ALS2: variants seen among roughly 807,000 people sequenced by gnomAD.
ALS2 encodes alsin.
In ALS2, 117 loss-of-function variants were observed where a neutral mutation model predicts 203.4. The ratio of observed to expected loss-of-function variants is 0.58; its 90% CI spans 0.50 to 0.67. The LOEUF is 0.67. Ranked by LOEUF, ALS2 falls within the 30% of genes least tolerant of loss-of-function variation. The pLI, the probability that ALS2 is intolerant of heterozygous loss-of-function variation, is 0.00. For synonymous variants in ALS2, 718 were observed against 725.9 expected (o/e 0.99, Z 0.17); for missense variants, 1,715 against 1,989.4 (o/e 0.86, Z 2.62).
intron 24 of ALS2, chr2:201,716,750 A>C (rs934394954): frequency 6.6e-5 from 10 of 151,352 alleles, no homozygotes; most frequent in Non-Finnish European, 1.5e-4. Context: ...AAAAAAAAAT[A>C]AAAATAAAAA....
intron 27 of ALS2, 106 bp downstream of exon 27, chr2:201,709,775 A>C (rs992258784): frequency 1.0e-5 from 14 of 1,358,468 alleles, no homozygotes; most frequent in Middle Eastern, 1.8e-4. Flanking sequence ...CTATTAAAGG[A>C]CTGTGGCATA....
At chr2:201,739,917 A>C (rs1692158137) in intron 11 of ALS2, among the ~76,000 whole-genome samples, 1 of 152,202 alleles carries the variant, frequency 6.6e-6, no homozygotes, top group Non-Finnish European at 1.5e-5. Context: ...TGGCAAATGG[A>C]ATCAACTGAC....
chr2:201,709,682 AAAAT>A (rs1387595832), intron 27 of ALS2, among the ~76,000 whole-genome samples, 195 bp downstream of exon 27: 8 of 152,228 alleles, frequency 5.3e-5, no homozygotes, highest in Non-Finnish European at 1.0e-4. Flanking sequence ...ATAAGACATA[AAAAT>A]AAATAAATAA....
intron 12 of ALS2, among the ~76,000 whole-genome samples, chr2:201,737,238 T>C (rs564417257): frequency 9.8e-5 from 15 of 152,322 alleles, no homozygotes; most frequent in African/African-American, 3.4e-4. Flanking sequence ...ATTTAACATA[T>C]ATGAAAGGAT....
intron 23 of ALS2, among the ~76,000 whole-genome samples, chr2:201,720,283 T>C (rs1411715793): frequency 6.6e-6 from 1 of 151,972 alleles, no homozygotes; most frequent in African/African-American, 2.4e-5. Flanking sequence ...CCAAGTACAA[T>C]TCATCCCAGG....
At chr2:201,748,631 G>C (rs1462401827) in intron 8 of ALS2, among the ~76,000 whole-genome samples, 1 of 134,838 alleles carries the variant, frequency 7.4e-6, no homozygotes, top group Non-Finnish European at 1.7e-5. Flanking sequence ...AAAAAACAAG[G>C]AACAATGATT....
At chr2:201,707,695 G>A (rs970907016) in intron 28 of ALS2, among the ~76,000 whole-genome samples, 174 bp downstream of exon 28, 4 of 152,070 alleles carry the variant, frequency 2.6e-5, no homozygotes, top group African/African-American at 4.8e-5. Context: ...CTCCCAAAGT[G>A]TGGGATTACA....
intron 4 of ALS2, chr2:201,759,918 C>A (rs1432653220): frequency 9.1e-6 from 9 of 984,962 alleles, no homozygotes; most frequent in Non-Finnish European, 1.1e-5. Context: ...AGAAATAATC[C>A]TTTTAAAACA....
intron 9 of ALS2, among the ~76,000 whole-genome samples, chr2:201,744,839 C>T (rs750983502): frequency 2.6e-5 from 4 of 151,950 alleles, no homozygotes; most frequent in South Asian, 2.1e-4. Flanking sequence ...GACCACTTTC[C>T]GAGTAAAATA....
chr2:201,738,362 T>G (rs1300331806), intron 12 of ALS2, among the ~76,000 whole-genome samples: 1 of 152,096 alleles, frequency 6.6e-6, no homozygotes, highest in Non-Finnish European at 1.5e-5. Context: ...GAGAGAACAT[T>G]CCCATTTTTC....
intron 13 of ALS2, among the ~76,000 whole-genome samples, chr2:201,731,967 C>T (rs1482556242): frequency 6.6e-6 from 1 of 152,104 alleles, no homozygotes; most frequent in East Asian, 1.9e-4. Context: ...CATATGAAAG[C>T]TACATCCAGG....
intron 12 of ALS2, among the ~76,000 whole-genome samples, chr2:201,734,583 AAT>A (rs1691767495): frequency 6.6e-6 from 1 of 152,166 alleles, no homozygotes; most frequent in Admixed American, 6.5e-5. Flanking sequence ...GGACTTATTT[AAT>A]TTTACACAAG....
chr2:201,780,389 A>G (rs1046646295), intron 1 of ALS2, among the ~76,000 whole-genome samples: 2 of 152,226 alleles, frequency 1.3e-5, no homozygotes, highest in African/African-American at 2.4e-5. Context: ...CTTTTCAAGT[A>G]GCCCTTGGTC....
At chr2:201,724,551 T>A in intron 20 of ALS2, 92 bp from the exon 21 acceptor site, 1 of 1,232,778 alleles carries the variant, frequency 8.1e-7, no homozygotes, top group Admixed American at 1.7e-5. Flanking sequence ...CCATACTCAG[T>A]CTCACTGGTA....
At chr2:201,745,408 A>G (rs1692565279) in intron 9 of ALS2, among the ~76,000 whole-genome samples, 1 of 152,162 alleles carries the variant, frequency 6.6e-6, no homozygotes, top group African/African-American at 2.4e-5. Flanking sequence ...ACTAGCCAGA[A>G]AAACAAACAC....
chr2:201,733,037 TAAAATG>T (rs559309696), intron 13 of ALS2, among the ~76,000 whole-genome samples: 59 of 152,342 alleles, frequency 3.9e-4, no homozygotes, highest in African/African-American at 1.3e-3. Context: ...GACAGTTTCA[TAAAATG>T]AATACAGTTT....
At chr2:201,760,845 T>G (rs370773340) in intron 4 of ALS2, 36 bp downstream of exon 4, 1 of 1,596,634 alleles carries the variant, frequency 6.3e-7, no homozygotes, top group Non-Finnish European at 8.5e-7. Flanking sequence ...AGTTCAACTC[T>G]AGACACACTT....
chr2:201,720,210 C>T, intron 23 of ALS2: 1 of 378,174 alleles, frequency 2.6e-6, no homozygotes, highest in African/African-American at 2.2e-5. Context: ...TGCAAAAATC[C>T]TCAACAAAAT....
chr2:201,771,616 T>C (rs1574807019), intron 1 of ALS2, among the ~76,000 whole-genome samples: 1 of 152,328 alleles, frequency 6.6e-6, no homozygotes, highest in East Asian at 1.9e-4. Flanking sequence ...AGAAAGTAAA[T>C]GAAAAACTTT....
Sources: gnomAD v4.1 joint callset for allele counts (sites outside exome capture counted in the v4.1 genomes callset) on GRCh38, gnomAD v4.1.1 for gene constraint, MANE v1.5 for transcripts, NCBI Gene and HGNC (gene_info 2026-07-23, HGNC 2026-07-21) for gene names.